Variants in RASEF observed in about 807,000 individuals in gnomAD.
The protein encoded by RASEF is ras and EF-hand domain-containing protein.
Under a neutral mutation model 90.1 loss-of-function variants are expected in RASEF, and 68 were observed. The ratio of observed to expected loss-of-function variants is 0.75; its 90% CI spans 0.62 to 0.92. The LOEUF is 0.92. Among genes scored for constraint, RASEF ranks in the 40% least tolerant of loss-of-function variants. The probability of loss-of-function intolerance (pLI) is 0.00; values close to 1 mark genes in which losing one functional copy is unlikely to be tolerated. For missense variants in RASEF, 949 were observed against 937.2 expected (o/e 1.01, Z -0.16); for synonymous variants, 331 against 345.2 (o/e 0.96, Z 0.46).
At chr9:83,098,282 C>T in the RASEF span, among the ~76,000 whole-genome samples, 1 of 152,076 alleles carries the variant, frequency 6.6e-6, no homozygotes, top group Non-Finnish European at 1.5e-5. Context: ...TTTACAATTA[C>T]TATCAGAATA....
the RASEF span, among the ~76,000 whole-genome samples, chr9:83,149,220 C>G: frequency 6.6e-6 from 1 of 152,192 alleles, no homozygotes; most frequent in East Asian, 1.9e-4. Flanking sequence ...ACATTGAAGT[C>G]CCAGTGGAAA....
the RASEF span, among the ~76,000 whole-genome samples, chr9:83,203,768 G>A: frequency 6.6e-6 from 1 of 152,146 alleles, no homozygotes; most frequent in Admixed American, 6.5e-5. Flanking sequence ...CTCCAGTCAG[G>A]AGGAACAGCA....
At chr9:83,057,051 T>C (rs762433156) in intron 1 of RASEF, among the ~76,000 whole-genome samples, 2 of 152,146 alleles carry the variant, frequency 1.3e-5, no homozygotes, top group African/African-American at 2.4e-5. Context: ...GTAGAGCTCA[T>C]AAAACCTAAG....
the RASEF span, among the ~76,000 whole-genome samples, chr9:83,187,377 G>T: frequency 6.6e-6 from 1 of 152,096 alleles, no homozygotes; most frequent in Admixed American, 6.6e-5. Flanking sequence ...TTGCCCTTTT[G>T]CTCTTCCCTG....
the RASEF span, among the ~76,000 whole-genome samples, chr9:83,129,366 C>A: frequency 6.7e-6 from 1 of 150,052 alleles, no homozygotes; most frequent in African/African-American, 2.5e-5. Flanking sequence ...GAGATTGCAC[C>A]ACTGCACTCC....
chr9:83,105,710 C>T, the RASEF span, among the ~76,000 whole-genome samples: 2 of 152,300 alleles, frequency 1.3e-5, no homozygotes, highest in South Asian at 4.1e-4. Context: ...CCTGTAAACG[C>T]TACGAAAATG....
rs33937452 is a variant in RASEF at position 83,043,397 on chromosome 9, TG to T, written c.432-17477del. On this transcript the variant is annotated intron_variant, in intron 1 of 16. Transcript: ENST00000376447. Reference sequence around the variant, plus strand: ...TCTGGAAAGAGGGGTCTGCAGTGATTGGGGGGGGGGACCCTGGGCTTCTGCA... The same window carrying T: ...TCTGGAAAGAGGGGTCTGCAGTGATTGGGGGGGGGACCCTGGGCTTCTGCA... Among the ~76,000 whole-genome samples, 1,091 of 119,466 alleles carry T rather than the reference TG, an allele frequency of 9.1e-3. 12 individuals carry two copies. The highest frequency in any genetic ancestry group is 0.013 in the Non-Finnish European group (678 of 52,986). The allele number at this position is 119,466 out of a possible 152,430, so 78.4% of individuals were successfully genotyped here.
At chr9:82,990,348 A>G in intron 16 of RASEF, 43 bp downstream of exon 16, 3 of 1,380,794 alleles carry the variant, frequency 2.2e-6, no homozygotes, top group Non-Finnish European at 3.1e-6. Context: ...GTCATATGCA[A>G]CAAGCGAAAA....
chr9:83,072,836 G>T, the RASEF span, among the ~76,000 whole-genome samples: 1 of 152,098 alleles, frequency 6.6e-6, no homozygotes, highest in African/African-American at 2.4e-5. Flanking sequence ...AATCTCCTTT[G>T]GTGATACCCT....
At chr9:83,141,838 T>C in the RASEF span, among the ~76,000 whole-genome samples, 114 of 152,280 alleles carry the variant, frequency 7.5e-4, no homozygotes, top group South Asian at 4.3e-3. Flanking sequence ...TGGGCTTGCA[T>C]AGAGCTAGGG....
intron 1 of RASEF, among the ~76,000 whole-genome samples, chr9:83,032,733 C>A (rs941347070): frequency 1.3e-5 from 2 of 152,094 alleles, no homozygotes; most frequent in Non-Finnish European, 2.9e-5. Flanking sequence ...CCTTAAATAG[C>A]AAATATTCCC....
At chr9:83,045,316 A>C (rs1829909086) in intron 1 of RASEF, among the ~76,000 whole-genome samples, 1 of 152,204 alleles carries the variant, frequency 6.6e-6, no homozygotes, top group Admixed American at 6.5e-5. Flanking sequence ...CTTCACAGTG[A>C]ATGTATGCTA....
chr9:83,172,646 T>G, the RASEF span, among the ~76,000 whole-genome samples: 1 of 151,918 alleles, frequency 6.6e-6, no homozygotes, highest in Non-Finnish European at 1.5e-5. Context: ...AAAAAAACTT[T>G]AAAAATGTAC....
At chr9:83,194,395 TGTGGGAGG>T in the RASEF span, among the ~76,000 whole-genome samples, 1 of 152,170 alleles carries the variant, frequency 6.6e-6, no homozygotes, top group Non-Finnish European at 1.5e-5. Context: ...TAGGGTCAGG[TGTGGGAGG>T]GAGAACACTA....
chr9:83,176,144 T>C, the RASEF span, among the ~76,000 whole-genome samples: 42 of 152,334 alleles, frequency 2.8e-4, no homozygotes, highest in Middle Eastern at 6.8e-3. Context: ...TACTTCTCAC[T>C]TCAGATCTGC....
At chr9:83,158,813 TAC>T in the RASEF span, among the ~76,000 whole-genome samples, 2 of 150,618 alleles carry the variant, frequency 1.3e-5, no homozygotes, top group East Asian at 1.9e-4. Flanking sequence ...AATATATATA[TAC>T]ACACACACAG....
chr9:83,160,995 A>C, the RASEF span, among the ~76,000 whole-genome samples: 3 of 152,246 alleles, frequency 2.0e-5, no homozygotes, highest in East Asian at 3.9e-4. Flanking sequence ...ATTTCGGAAG[A>C]TATATGGACT....
the RASEF span, among the ~76,000 whole-genome samples, chr9:83,178,969 T>A: frequency 6.6e-6 from 1 of 152,142 alleles, no homozygotes; most frequent in Non-Finnish European, 1.5e-5. Flanking sequence ...TCTGATTATT[T>A]TACCCCTCTC....
the RASEF span, among the ~76,000 whole-genome samples, chr9:83,118,936 C>T: frequency 1.3e-5 from 2 of 151,862 alleles, no homozygotes; most frequent in Non-Finnish European, 1.5e-5. Context: ...TAGCATCCTA[C>T]GTCTTACAAA....
Sources: allele counts gnomAD v4.1 joint callset (sites outside exome capture counted in the v4.1 genomes callset), GRCh38; gene constraint gnomAD v4.1.1; transcripts MANE v1.5; gene names NCBI Gene and HGNC (gene_info 2026-07-23, HGNC 2026-07-21).